Variants in TBX10 observed in about 807,000 individuals in gnomAD.
The protein encoded by TBX10 is T-box transcription factor 10.
Under a neutral mutation model 32.4 loss-of-function variants are expected in TBX10, and 26 were observed. That is an observed-to-expected ratio of 0.80 (90% confidence interval 0.59 to 1.11). The LOEUF (loss-of-function observed/expected upper bound fraction) is 1.11, where lower values mean the gene tolerates loss of function less well. TBX10 is among the 50% of genes most tolerant of loss of function. TBX10 has a pLI of 0.00. For missense variants in TBX10, 490 were observed against 494.5 expected (o/e 0.99, Z 0.09); for synonymous variants, 195 against 203.1 (o/e 0.96, Z 0.34).
rs369591870 is a variant in TBX10 at position 67,635,182 on chromosome 11, C to T, written c.89G>A (p.Arg30Gln). 28 of 1,613,712 alleles carry T rather than the reference C, an allele frequency of 1.7e-5. No homozygotes were observed. The highest frequency in any genetic ancestry group is 4.4e-5 in the South Asian group (4 of 91,086). ...GCCTGATGGGAATGGTGACCCCAGC[C>T]GGGGCTCCCAGCCAGAGCTGGTTGT... ...LPTTSSGWEPRLGSPFPSGPC... is the reference protein window; with the variant it reads ...LPTTSSGWEPQLGSPFPSGPC... Residue 30 changes from arginine to glutamine, a missense_variant, in exon 2 of 8, where the codon CGG becomes CAG. Coordinates refer to ENST00000335385, the MANE Select transcript of TBX10 (RefSeq NM_005995.5).
intron 1 of TBX10, among the ~76,000 whole-genome samples, chr11:67,637,325 T>G (rs1355825577): frequency 6.7e-6 from 1 of 149,618 alleles, no homozygotes; most frequent in African/African-American, 2.5e-5. Flanking sequence ...AAATAGCACT[T>G]GAACATAAAT....
At position 67,634,811 on chromosome 11, in the gene TBX10, C is replaced by A; in HGVS notation, c.377+5G>T. The A allele has an allele frequency of 1.2e-6, 2 of 1,613,280 alleles. No homozygotes were observed. Among genetic ancestry groups the A allele is most frequent in the Non-Finnish European group, 1.7e-6 (2 of 1,179,946 alleles). On this transcript the variant is annotated splice_donor_5th_base_variant and intron_variant, in intron 3 of 7. Coordinates refer to ENST00000335385, the MANE Select transcript of TBX10 (RefSeq NM_005995.5). Reference sequence around the variant, plus strand: ...TGAGCCTTTGCCCCAGGCCGGTCCCCGCACCTGTATCTCTTGTCGTCCAGG... The same window carrying A: ...TGAGCCTTTGCCCCAGGCCGGTCCCAGCACCTGTATCTCTTGTCGTCCAGG...
chr11:67,632,714 C>G, intron 5 of TBX10, 44 bp from the exon 6 acceptor site: 8 of 1,611,072 alleles, frequency 5.0e-6, no homozygotes, highest in Non-Finnish European at 6.8e-6. Flanking sequence ...ATGAGCCAGG[C>G]TCAGCCACCT....
chr11:67,639,393 T>TTCCCCCCCCCCCCCCCC, intron 1 of TBX10, 73 bp downstream of exon 1: 17 of 726,868 alleles, frequency 2.3e-5, no homozygotes, highest in East Asian at 8.2e-5. Flanking sequence ...CTGTCTTGGT[T>TTCCCCCCCCCCCCCCCC]CCCACCCTGC....
At position 67,632,317 on chromosome 11, in the gene TBX10, C is replaced by G. The variant is rs751841599; in HGVS notation, c.868+1G>C. 24 of 1,613,188 alleles carry G rather than the reference C, an allele frequency of 1.5e-5. No homozygotes were observed. In the South Asian group the frequency reaches 2.3e-4, roughly 15 times the overall value. ...CTATGTCTGCAGGCCTGGGGCCTTA[C>G]CTTTCTCCCTGTCTGTGGCACCCTT... On this transcript the variant is annotated splice_donor_variant, in intron 7 of 7. Transcript: ENST00000335385. LOFTEE classifies it high-confidence loss of function.
intron 1 of TBX10, among the ~76,000 whole-genome samples, chr11:67,638,507 G>A (rs932566351): frequency 6.6e-6 from 1 of 152,192 alleles, no homozygotes; most frequent in African/African-American, 2.4e-5. Flanking sequence ...GGGGTGCTGG[G>A]TGTTGGAGAG....
chr11:67,635,729 A>G (rs1372622632), intron 1 of TBX10, among the ~76,000 whole-genome samples: 2 of 151,962 alleles, frequency 1.3e-5, no homozygotes, highest in Non-Finnish European at 2.9e-5. Context: ...GCTCTGTGGG[A>G]CCCTGCCTCC....
At chr11:67,635,904 C>T (rs1463671156) in intron 1 of TBX10, among the ~76,000 whole-genome samples, 6 of 152,090 alleles carry the variant, frequency 3.9e-5, no homozygotes, top group African/African-American at 1.4e-4. Flanking sequence ...TTTTGATCTG[C>T]AATCCCGGCA....
intron 1 of TBX10, 73 bp downstream of exon 1, chr11:67,639,393 T>TGCCCCCCCCCCCCCCCCCCCC: frequency 1.4e-6 from 1 of 726,922 alleles, no homozygotes; most frequent in Non-Finnish European, 2.5e-6. Flanking sequence ...CTGTCTTGGT[T>TGCCCCCCCCCCCCCCCCCCCC]CCCACCCTGC....
intron 1 of TBX10, among the ~76,000 whole-genome samples, chr11:67,637,377 A>G (rs1204615279): frequency 6.6e-6 from 1 of 152,234 alleles, no homozygotes; most frequent in African/African-American, 2.4e-5. Context: ...CTTTTTGCAG[A>G]AAGGGTACAC....
chr11:67,634,273 T>TGGCGAGTCGGGGTGGAAGTGCACGC lies in TBX10; in HGVS notation c.440_464dup (p.Ala156ArgfsTer22). 1 of 1,612,900 alleles carries TGGCGAGTCGGGGTGGAAGTGCACGC rather than the reference T, an allele frequency of 6.2e-7. No individual in the cohort carries two copies. Among genetic ancestry groups the TGGCGAGTCGGGGTGGAAGTGCACGC allele is most frequent in the South Asian group, 1.1e-5 (1 of 91,088 alleles). ...GGCGCATCCACTGGGCACCCTTGGC[T>TGGCGAGTCGGGGTGGAAGTGCACGC]GGCGAGTCGGGGTGGAAGTGCACGC... On this transcript the variant is annotated frameshift_variant, in exon 4 of 8. Transcript: ENST00000335385. LOFTEE classifies it high-confidence loss of function.
chr11:67,634,712 C>A, intron 3 of TBX10, 104 bp downstream of exon 3: 1 of 1,283,034 alleles, frequency 7.8e-7, no homozygotes, highest in South Asian at 1.2e-5. Context: ...ACCTCCCTGG[C>A]ATTGTTTGGA....
intron 1 of TBX10, among the ~76,000 whole-genome samples, chr11:67,638,278 G>A (rs1407698841): frequency 2.0e-5 from 3 of 148,988 alleles, no homozygotes; most frequent in East Asian, 3.9e-4. Context: ...ATTGTGTTAT[G>A]TATATTTTAC....
Position 67,632,929 on chromosome 11 carries a change from C to G in TBX10, c.705+19G>C. 6.2e-7 allele frequency: 1 copy of G among 1,614,148 alleles called. No homozygotes were observed. Among genetic ancestry groups the G allele is most frequent in the East Asian group, 2.2e-5 (1 of 44,882 alleles). The stretch of plus-strand genomic sequence containing the variant: ...GTGAAATGGGCCTGCAGCGGGTGCT[C>G]CCGAGCTGGTTCACCCACCCTGTGG... On this transcript the variant is annotated intron_variant, in intron 5 of 7. Transcript: ENST00000335385.
intron 5 of TBX10, 21 bp downstream of exon 5, chr11:67,632,927 C>T: frequency 3.7e-6 from 6 of 1,614,146 alleles, no homozygotes; most frequent in Non-Finnish European, 8.5e-7. Flanking sequence ...GCAGCGGGTG[C>T]TCCCGAGCTG....
Position 67,635,072 on chromosome 11 carries a change from C to T in TBX10, c.199G>A (p.Val67Ile). Reference sequence around the variant, plus strand: ...CACAGAGGCTTCATCTCCAGCTGAACTGTCACTCTGGACACACGTGGGTTC... The same window carrying T: ...CACAGAGGCTTCATCTCCAGCTGAATTGTCACTCTGGACACACGTGGGTTC... ...PKNPRVSRVT[V>I]QLEMKPLWEE... The change falls in exon 2 of 8, where the codon GTT (valine) becomes ATT (isoleucine). Residue 67 changes from valine to isoleucine, a missense_variant. By Grantham distance (29) the Val-to-Ile change is conservative. Transcript: ENST00000335385. 6.2e-7 allele frequency: 1 copy of T among 1,613,890 alleles called. No individual in the cohort carries two copies. Among genetic ancestry groups the T allele is most frequent in the Non-Finnish European group, 8.5e-7 (1 of 1,180,032 alleles).
intron 7 of TBX10, 73 bp from the exon 8 acceptor site, chr11:67,631,967 C>T (rs533603262): frequency 5.2e-6 from 8 of 1,534,758 alleles, no homozygotes; most frequent in East Asian, 2.4e-5. Flanking sequence ...TGCCCTGGTC[C>T]CTTCCTGCTC....
chr11:67,636,362 T>TGAGCCTAAAGTGTTGGGATTACAGGC (rs1855328122), intron 1 of TBX10, among the ~76,000 whole-genome samples: 1 of 151,132 alleles, frequency 6.6e-6, no homozygotes, highest in Admixed American at 6.6e-5. Flanking sequence ...GGATTACAGG[T>TGAGCCTAAAGTGTTGGGATTACAGGC]GTGAGCCACT....
At position 67,631,452 on chromosome 11, in the gene TBX10, T is replaced by C; in HGVS notation, c.*153A>G. ...AAGCTTGCCATGGTCCCAGCCTTGC[T>C]GTGACCCTGGGCAGGTAGCCTCTTT... On this transcript the variant is annotated 3_prime_UTR_variant, in exon 8 of 8. Transcript: ENST00000335385. The C allele has an allele frequency of 3.0e-6, 3 of 985,488 alleles. No homozygotes were observed. Among genetic ancestry groups the C allele is most frequent in the Non-Finnish European group, 4.5e-6 (3 of 669,654 alleles). The allele number at this position is 985,488 out of a possible 1,614,324, so 61.0% of individuals were successfully genotyped here. A position where few individuals can be genotyped will look rare whatever the true frequency, so the allele number is the denominator to read the frequency against.
Sources: gnomAD v4.1 joint callset for allele counts (sites outside exome capture counted in the v4.1 genomes callset) on GRCh38, gnomAD v4.1.1 for gene constraint, MANE v1.5 for transcripts, NCBI Gene and HGNC (gene_info 2026-07-23, HGNC 2026-07-21) for gene names.